LRP5: variants seen among roughly 807,000 people sequenced by gnomAD.
LRP5 encodes the protein LDL receptor related protein 5.
A neutral mutation model predicts 154.1 loss-of-function variants in LRP5; 62 were observed. The ratio of observed to expected loss-of-function variants is 0.40; its 90% CI spans 0.33 to 0.50. LRP5 has a LOEUF of 0.50. LRP5 is among the 20% of genes least tolerant of loss of function. LRP5 has a pLI of 0.55. For missense variants in LRP5, 1,915 were observed against 2,336.7 expected, an observed-to-expected ratio of 0.82 and a Z score of 3.72; for synonymous variants, 966 against 1,011.5, an observed-to-expected ratio of 0.96 and a Z score of 0.85.
At chr11:68,442,815 T>A (rs1203116386) in intron 21 of LRP5, among the ~76,000 whole-genome samples, 1 of 152,208 alleles carries the variant, frequency 6.6e-6, no homozygotes, top group Non-Finnish European at 1.5e-5. Flanking sequence ...GCCTGGGTCG[T>A]TCGGTTGGTA....
intron 7 of LRP5, among the ~76,000 whole-genome samples, chr11:68,396,371 G>A (rs1032341156): frequency 3.3e-5 from 5 of 152,186 alleles, no homozygotes; most frequent in African/African-American, 4.8e-5. Flanking sequence ...AGAGGATTCC[G>A]TTCCACGTGG....
intron 7 of LRP5, among the ~76,000 whole-genome samples, chr11:68,400,100 C>T (rs979002254): frequency 1.3e-5 from 2 of 152,098 alleles, no homozygotes; most frequent in African/African-American, 2.4e-5. Context: ...TCCGCAGGCC[C>T]TGCCGGCCCA....
chr11:68,312,768 G>T lies in LRP5; in HGVS notation c.54G>T (p.Leu18=). The stretch of plus-strand genomic sequence containing the variant: ...GGCCGCTGCTGCTGCTGCTGCTGCT[G>T]CTGCTGGCGCTGTGCGGCTGCCCGG... The part of the protein sequence containing the change: ...PPWPLLLLLL[L]LLALCGCPAP... Residue 18 remains leucine (L), a synonymous_variant, in exon 1 of 23, where the codon CTG becomes CTT. Transcript: ENST00000294304. 1 of 1,089,904 alleles carries T rather than the reference G, an allele frequency of 9.2e-7. No homozygotes were observed. 67.5% of individuals were successfully genotyped at this position (1,089,904 alleles called of 1,614,324 possible).
intron 10 of LRP5, 68 bp from the exon 11 acceptor site, chr11:68,411,368 C>T: frequency 6.5e-7 from 1 of 1,550,110 alleles, no homozygotes; most frequent in Admixed American, 1.7e-5. Flanking sequence ...GTTGCGTCCC[C>T]CCGCCACCCA....
At chr11:68,364,097 T>C (rs2098629575) in intron 4 of LRP5, among the ~76,000 whole-genome samples, 154 bp downstream of exon 4, 1 of 144,518 alleles carries the variant, frequency 6.9e-6, no homozygotes, top group African/African-American at 2.6e-5. Flanking sequence ...GCCCATGCTC[T>C]GGGGGGCCCC....
At chr11:68,337,573 C>T (rs1398195701) in intron 1 of LRP5, among the ~76,000 whole-genome samples, 1 of 152,186 alleles carries the variant, frequency 6.6e-6, no homozygotes, top group East Asian at 1.9e-4. Flanking sequence ...GCCAGGTCTA[C>T]CCACAGTCAG....
chr11:68,414,476 C>T (rs1173456445), intron 12 of LRP5, among the ~76,000 whole-genome samples: 2 of 152,178 alleles, frequency 1.3e-5, no homozygotes, highest in Non-Finnish European at 2.9e-5. Context: ...CTGTGGCAGG[C>T]TGGCTCAAGA....
intron 5 of LRP5, among the ~76,000 whole-genome samples, chr11:68,385,966 G>C (rs1286661509): frequency 6.6e-6 from 1 of 152,146 alleles, no homozygotes; most frequent in East Asian, 1.9e-4. Flanking sequence ...TTTGTGGCCA[G>C]GAGAGGGGCT....
intron 5 of LRP5, among the ~76,000 whole-genome samples, chr11:68,385,769 G>GC (rs1377985202): frequency 1.3e-5 from 2 of 152,104 alleles, no homozygotes; most frequent in East Asian, 1.9e-4. Context: ...CTGCCTAGGA[G>GC]CCCCCCGGCA....
In LRP5 at chr11:68,433,778, C is replaced by T. The variant is rs373750800; in HGVS notation, c.3940C>T (p.Arg1314Cys). The change falls in exon 18 of 23, where the codon CGC becomes TGC. Residue 1314 changes from arginine (R) to cysteine (C), a missense_variant. Arg to Cys is a radical substitution (Grantham distance 180). This residue lies in a region of LRP5 where 1,094 missense variants were observed against 1,210.1 expected (regional missense o/e 0.90). Coordinates refer to ENST00000294304, the MANE Select transcript of LRP5 (RefSeq NM_002335.4). ...PCARGQCVDLRLRCDGEADCQ... is the reference protein window; with the variant it reads ...PCARGQCVDLCLRCDGEADCQ... Reference sequence around the variant, plus strand: ...CGCGCGGGGTCAGTGTGTGGACCTGCGCCTGCGCTGCGACGGCGAGGCAGA... The same window carrying T: ...CGCGCGGGGTCAGTGTGTGGACCTGTGCCTGCGCTGCGACGGCGAGGCAGA... 14 of 1,612,522 alleles carry T rather than the reference C, an allele frequency of 8.7e-6. No homozygotes were observed. Among genetic ancestry groups the T allele is most frequent in the East Asian group, 2.2e-5 (1 of 44,864 alleles).
intron 1 of LRP5, among the ~76,000 whole-genome samples, chr11:68,328,684 C>A (rs146280069): frequency 6.6e-6 from 1 of 152,254 alleles, no homozygotes; most frequent in Non-Finnish European, 1.5e-5. Flanking sequence ...GTCTGCACCT[C>A]CGTCCCTGGA....
chr11:68,377,830 G>A (rs1287154981), intron 5 of LRP5, among the ~76,000 whole-genome samples: 11 of 152,018 alleles, frequency 7.2e-5, no homozygotes, highest in Admixed American at 1.3e-4. Context: ...AGCAGAGGCC[G>A]ATTCTCAGCT....
intron 7 of LRP5, among the ~76,000 whole-genome samples, chr11:68,398,246 G>A (rs1272395347): frequency 1.3e-5 from 2 of 152,176 alleles, no homozygotes; most frequent in East Asian, 1.9e-4. Context: ...GCAGGCGACT[G>A]TCCAGAGTCA....
chr11:68,311,495 C>T (rs995410067), upstream of LRP5, among the ~76,000 whole-genome samples: 1 of 152,250 alleles, frequency 6.6e-6, no homozygotes, highest in Non-Finnish European at 1.5e-5. Context: ...TGCAGCACAA[C>T]GCCCTTCATT....
upstream of LRP5, among the ~76,000 whole-genome samples, chr11:68,308,167 G>T (rs1002793145): frequency 6.6e-6 from 1 of 152,222 alleles, no homozygotes; most frequent in African/African-American, 2.4e-5. Flanking sequence ...CTCTCACTGG[G>T]GCCTCCTCCG....
intron 7 of LRP5, among the ~76,000 whole-genome samples, chr11:68,397,259 TCTC>T (rs1365397669): frequency 6.6e-6 from 1 of 151,964 alleles, no homozygotes; most frequent in African/African-American, 2.4e-5. Flanking sequence ...CCTGCCCTTC[TCTC>T]CTCTGCCCCG....
At chr11:68,428,192 G>A (rs1175930860) in intron 16 of LRP5, among the ~76,000 whole-genome samples, 14 of 151,502 alleles carry the variant, frequency 9.2e-5, no homozygotes, top group Admixed American at 3.3e-4. Flanking sequence ...ACGGGTTTTC[G>A]CCATTTTGCC....
the LRP5 span, among the ~76,000 whole-genome samples, chr11:68,298,549 T>C: frequency 6.6e-6 from 1 of 152,204 alleles, no homozygotes; most frequent in Non-Finnish European, 1.5e-5. Context: ...CATGGGGTCT[T>C]CTTTGCCAGC....
intron 6 of LRP5, 101 bp from the exon 7 acceptor site, chr11:68,389,780 G>A: frequency 8.4e-7 from 1 of 1,195,596 alleles, no homozygotes; most frequent in Non-Finnish European, 1.2e-6. Context: ...ATTTAGCCAT[G>A]TGATGGGGGC....
Sources: allele counts gnomAD v4.1 joint callset (sites outside exome capture counted in the v4.1 genomes callset), GRCh38; gene constraint gnomAD v4.1.1; regional missense constraint gnomAD v4.1.1; transcripts MANE v1.5; gene names NCBI Gene and HGNC (gene_info 2026-07-23, HGNC 2026-07-21).